The following FHIP2B variants were observed in gnomAD, a reference collection of about 807,000 sequenced individuals.
FHIP2B encodes the protein FHF complex subunit HOOK interacting protein 2B.
Under a neutral mutation model 84.0 loss-of-function variants are expected in FHIP2B, and 72 were observed. That is an observed-to-expected ratio of 0.86 (90% CI 0.71 to 1.04). FHIP2B has a LOEUF of 1.04. Ranked by LOEUF, FHIP2B falls within the 50% of genes least tolerant of loss-of-function variation. The pLI, the probability that FHIP2B is intolerant of heterozygous loss-of-function variation, is 0.00. For missense variants in FHIP2B, 972 were observed against 968.9 expected (o/e 1.00, Z -0.04); for synonymous variants, 497 against 418.7 (o/e 1.19, Z -2.28).
intron 8 of FHIP2B, 101 bp from the exon 9 acceptor site, chr8:22,099,183 G>A (rs556517003): frequency 1.2e-5 from 18 of 1,524,024 alleles, no homozygotes; most frequent in Admixed American, 3.9e-5. Flanking sequence ...CAGGCGGGCC[G>A]GGACCCTCTC....
At position 22,089,635 on chromosome 8, in the gene FHIP2B, G is replaced by GC. The variant is rs1432911011; in HGVS notation, c.45+343dup. 41 of 474,212 alleles carry GC rather than the reference G, an allele frequency of 8.6e-5. 1 individual carries two copies. The highest frequency in any genetic ancestry group is 4.1e-4 in the African/African-American group (20 of 49,272). 29.4% of individuals were successfully genotyped at this position (474,212 alleles called of 1,614,324 possible). ...CCTGTCACCGCTTGGGGTGTTTCCT[G>GC]CCCCCCGGGGCCCTAGGCCGCCTCC... On this transcript the variant is annotated intron_variant, in intron 1 of 16. Transcript: ENST00000289921.
intron 12 of FHIP2B, 116 bp downstream of exon 12, chr8:22,101,088 T>A: frequency 7.5e-7 from 1 of 1,340,752 alleles, no homozygotes; most frequent in South Asian, 1.5e-5. Context: ...CAATCTCGGC[T>A]CACTGCAACC....
At chr8:22,102,421 C>T (rs1383843548) in intron 15 of FHIP2B, 106 bp downstream of exon 15, 2 of 1,516,724 alleles carry the variant, frequency 1.3e-6, no homozygotes, top group Non-Finnish European at 1.8e-6. Context: ...GCACCCTTGC[C>T]AGTGCCAGGG....
intron 8 of FHIP2B, 38 bp from the exon 9 acceptor site, chr8:22,099,243 TGTA>T: frequency 6.2e-7 from 1 of 1,607,748 alleles, no homozygotes; most frequent in Non-Finnish European, 8.5e-7. Context: ...CAGCTGGAAT[TGTA>T]ATGAGGGCAA....
intron 2 of FHIP2B, chr8:22,096,097 T>G: frequency 2.3e-6 from 1 of 430,412 alleles, no homozygotes; most frequent in Non-Finnish European, 4.1e-6. Context: ...TGCCCCCTGA[T>G]AAAGGGCTGG....
At chr8:22,100,144 C>G in intron 10 of FHIP2B, 2 of 473,836 alleles carry the variant, frequency 4.2e-6, no homozygotes, top group South Asian at 3.0e-5. Context: ...TCATAACTCA[C>G]TGCAGTCTCC....
At chr8:22,096,692 T>G in intron 3 of FHIP2B, 183 bp downstream of exon 3, 1 of 799,170 alleles carries the variant, frequency 1.3e-6, no homozygotes, top group Non-Finnish European at 1.8e-6. Context: ...TTCCAGGCCT[T>G]TCTGCCTATG....
At chr8:22,099,506 C>A in intron 9 of FHIP2B, 146 bp downstream of exon 9, 2 of 1,085,188 alleles carry the variant, frequency 1.8e-6, no homozygotes, top group Non-Finnish European at 2.6e-6. Context: ...CAGGCCTGCC[C>A]CATGATGTGC....
Position 22,099,788 on chromosome 8 carries a change from C to G in FHIP2B, c.1236C>G (p.Ala412=), listed in dbSNP as rs553995183. 1 of 1,612,566 alleles carries G rather than the reference C, an allele frequency of 6.2e-7. No individual in the cohort carries two copies. The highest frequency in any genetic ancestry group is 8.5e-7 in the Non-Finnish European group (1 of 1,179,714). ...GCTCCCCTGCGCTGCTGCGGGAGGCCGTGGCTTTCCTCCTGGGCACAGACC... is the reference window on the plus strand; with the variant it reads ...GCTCCCCTGCGCTGCTGCGGGAGGCGGTGGCTTTCCTCCTGGGCACAGACC... ...QLRSPALLRE[A]VAFLLGTDRQ... Residue 412 remains alanine (A), a synonymous_variant, in exon 10 of 17, where the codon GCC becomes GCG. Coordinates refer to ENST00000289921, the MANE Select transcript of FHIP2B (RefSeq NM_022749.7).
chr8:22,092,984 T>C (rs1456163964), intron 1 of FHIP2B, among the ~76,000 whole-genome samples: 1 of 152,246 alleles, frequency 6.6e-6, no homozygotes, highest in African/African-American at 2.4e-5. Flanking sequence ...CTCATGTTGC[T>C]TGTGGCATCT....
In FHIP2B at chr8:22,098,598, C is replaced by T. The variant is rs1368692331; in HGVS notation, c.944C>T (p.Thr315Ile). The change falls in exon 7 of 17, where the codon ACC becomes ATC. Residue 315 changes from threonine to isoleucine, a missense_variant. Coordinates refer to ENST00000289921, the MANE Select transcript of FHIP2B (RefSeq NM_022749.7). ...PVFLDPADIA[T>I]LEGISWRLPS... is the part of the protein sequence containing the mutation. ...TTCCTGGACCCCGCAGACATTGCCACCTTAGAGGGCATCAGCTGGAGGTGG... is the reference window on the plus strand; with the variant it reads ...TTCCTGGACCCCGCAGACATTGCCATCTTAGAGGGCATCAGCTGGAGGTGG... 7 of 1,583,058 alleles carry T rather than the reference C, an allele frequency of 4.4e-6. No homozygotes were observed. Among genetic ancestry groups the T allele is most frequent in the African/African-American group, 2.7e-5 (2 of 74,082 alleles).
Position 22,104,651 on chromosome 8 carries a change from ATG to A in FHIP2B, c.*1721_*1722del, listed in dbSNP as rs1363444301. 1 of 152,070 alleles carries A rather than the reference ATG, an allele frequency of 6.6e-6. No homozygotes were observed. Among genetic ancestry groups the A allele is most frequent in the East Asian group, 1.9e-4 (1 of 5,172 alleles). 9.4% of individuals were successfully genotyped at this position (152,070 alleles called of 1,614,324 possible). On this transcript the variant is annotated 3_prime_UTR_variant, in exon 17 of 17. Transcript: ENST00000289921. ...CCCACCCCGGAGACACCATGAGGGA[ATG>A]GACCACGTGGGAGCATCTGTGTGCA...
Position 22,099,315 on chromosome 8 carries a change from CTGAGAA to C in FHIP2B, c.1107_1112del (p.Glu370_Asn371del). The stretch of plus-strand genomic sequence containing the variant: ...GCGGACGCCTTGGCGAAGGCTGTGG[CTGAGAA>C]CTTCTTCGTGGAGACCCTGCAGCCC... On this transcript the variant is annotated inframe_deletion, in exon 9 of 17. Transcript: ENST00000289921. 1 of 1,613,818 alleles carries C rather than the reference CTGAGAA, an allele frequency of 6.2e-7. No individual in the cohort carries two copies. Among genetic ancestry groups the C allele is most frequent in the Non-Finnish European group, 8.5e-7 (1 of 1,179,850 alleles).
intron 1 of FHIP2B, chr8:22,089,752 A>G (rs1825372634): frequency 7.9e-7 from 1 of 1,263,302 alleles, no homozygotes; most frequent in African/African-American, 1.5e-5. Context: ...CCTCGGTCTG[A>G]TCTCCCAGAC....
At chr8:22,089,797 T>C in intron 1 of FHIP2B, 6 of 1,285,886 alleles carry the variant, frequency 4.7e-6, no homozygotes, top group Non-Finnish European at 6.1e-6. Flanking sequence ...AGGACGCCCT[T>C]CCCGTCACCC....
At chr8:22,089,816 G>A (rs1389190266) in intron 1 of FHIP2B, 1 of 1,286,444 alleles carries the variant, frequency 7.8e-7, no homozygotes. Context: ...CCCGGGACGT[G>A]GGAAGTGCAG....
intron 1 of FHIP2B, among the ~76,000 whole-genome samples, chr8:22,091,711 A>G (rs1274326599): frequency 6.6e-6 from 1 of 152,164 alleles, no homozygotes; most frequent in Non-Finnish European, 1.5e-5. Flanking sequence ...GTACTGGAGT[A>G]TTCTTTTTGG....
rs1825334318 is a variant in FHIP2B at position 22,089,307 on chromosome 8, G to T, written c.45+9G>T. The T allele has an allele frequency of 2.0e-6, 2 of 1,018,230 alleles. No homozygotes were observed. Among genetic ancestry groups the T allele is most frequent in the South Asian group, 8.9e-5 (2 of 22,418 alleles). 63.1% of individuals were successfully genotyped at this position (1,018,230 alleles called of 1,614,324 possible). Reference sequence around the variant, plus strand: ...AGGAAGCCGTGGGGGCGGTGAGGCCGGCAGGGCCGGGCCGGGCCGCCGGGA... The same window carrying T: ...AGGAAGCCGTGGGGGCGGTGAGGCCTGCAGGGCCGGGCCGGGCCGCCGGGA... On this transcript the variant is annotated intron_variant, in intron 1 of 16. Coordinates refer to ENST00000289921, the MANE Select transcript of FHIP2B (RefSeq NM_022749.7).
chr8:22,100,502 G>T (rs1368248105), intron 10 of FHIP2B, 92 bp from the exon 11 acceptor site: 2 of 1,356,732 alleles, frequency 1.5e-6, no homozygotes, highest in African/African-American at 3.0e-5. Flanking sequence ...CTCTGCCTCA[G>T]AGGTCTTTTC....
Sources: allele counts gnomAD v4.1 joint callset (sites outside exome capture counted in the v4.1 genomes callset), GRCh38; gene constraint gnomAD v4.1.1; transcripts MANE v1.5; gene names NCBI Gene and HGNC (gene_info 2026-07-23, HGNC 2026-07-21).